The following ZNG1A variants were observed in gnomAD, a reference collection of about 807,000 sequenced individuals.
The protein encoded by ZNG1A is zinc-regulated GTPase metalloprotein activator 1A.
the ZNG1A span, among the ~76,000 whole-genome samples, chr9:124,128 T>C: frequency 6.6e-6 from 1 of 152,122 alleles, no homozygotes; most frequent in Admixed American, 6.5e-5. Context: ...ATATTAACTT[T>C]AGGATTTATT....
the ZNG1A span, among the ~76,000 whole-genome samples, chr9:156,170 T>A: frequency 7.4e-6 from 1 of 135,462 alleles, no homozygotes; most frequent in African/African-American, 2.7e-5. Context: ...TATATATATA[T>A]AAAATCTTCA....
chr9:140,224 A>C, the ZNG1A span, among the ~76,000 whole-genome samples: 5 of 151,978 alleles, frequency 3.3e-5, no homozygotes, highest in Non-Finnish European at 7.4e-5. Flanking sequence ...ACAGACACAC[A>C]AAAAGACAGC....
chr9:132,030 C>T, the ZNG1A span, among the ~76,000 whole-genome samples: 75 of 143,814 alleles, frequency 5.2e-4, 1 homozygote, highest in Non-Finnish European at 8.8e-4. Flanking sequence ...AAAATCCTAC[C>T]GTCAAAAAAA....
chr9:172,323 T>G, the ZNG1A span: 1 of 909,086 alleles, frequency 1.1e-6, no homozygotes, highest in East Asian at 2.7e-5. Context: ...TAACAAAATG[T>G]CCGTCCCATA....
chr9:157,775 T>C, the ZNG1A span, among the ~76,000 whole-genome samples: 24 of 146,530 alleles, frequency 1.6e-4, no homozygotes, highest in African/African-American at 5.0e-4. Flanking sequence ...AATAATCATA[T>C]ATCAGAGCCA....
the ZNG1A span, chr9:152,210 T>C: frequency 1.5e-3 from 557 of 362,922 alleles, 14 homozygotes; most frequent in East Asian, 0.025. Flanking sequence ...AGAAAAAAAT[T>C]AAAAACAGAA....
chr9:152,223 A>G, the ZNG1A span: 3 of 385,968 alleles, frequency 7.8e-6, no homozygotes, highest in Non-Finnish European at 1.4e-5. Context: ...AAACAGAAAA[A>G]CAAAACTTGC....
chr9:136,861 G>C, the ZNG1A span, among the ~76,000 whole-genome samples: 2 of 151,906 alleles, frequency 1.3e-5, no homozygotes, highest in Non-Finnish European at 2.9e-5. Context: ...AACGTAGCGA[G>C]AGCCTGTCAC....
the ZNG1A span, chr9:135,173 G>A: frequency 1.0e-5 from 15 of 1,489,376 alleles, 1 homozygote; most frequent in South Asian, 5.0e-5. Flanking sequence ...CAAGTTGTTC[G>A]CAAATTCCAA....
At chr9:157,882 G>C in the ZNG1A span, among the ~76,000 whole-genome samples, 32 of 151,862 alleles carry the variant, frequency 2.1e-4, no homozygotes, top group African/African-American at 7.3e-4. Flanking sequence ...TAACAAGCTT[G>C]ATGAGGTCTA....
At chr9:158,637 T>C in the ZNG1A span, among the ~76,000 whole-genome samples, 3 of 150,884 alleles carry the variant, frequency 2.0e-5, no homozygotes, top group Non-Finnish European at 4.4e-5. Flanking sequence ...ATTAGAATTC[T>C]TCACTCAAAG....
chr9:130,483 G>A, the ZNG1A span, among the ~76,000 whole-genome samples: 1 of 118,066 alleles, frequency 8.5e-6, no homozygotes, highest in African/African-American at 3.3e-5. Flanking sequence ...CCAGGCTGGA[G>A]TAGAGTGGCA....
At chr9:131,838 C>T in the ZNG1A span, among the ~76,000 whole-genome samples, 4 of 149,294 alleles carry the variant, frequency 2.7e-5, 1 homozygote, top group African/African-American at 1.0e-4. Flanking sequence ...ACATAACACT[C>T]CTAGACAGCA....
At chr9:173,958 T>G in the ZNG1A span, among the ~76,000 whole-genome samples, 2 of 151,944 alleles carry the variant, frequency 1.3e-5, no homozygotes, top group Non-Finnish European at 2.9e-5. Flanking sequence ...CCATCCTCGC[T>G]AACACAATGA....
chr9:122,647 A>C, the ZNG1A span: 1 of 997,380 alleles, frequency 1.0e-6, no homozygotes, highest in Admixed American at 5.2e-5. Context: ...ATGGGGATGA[A>C]ATTAATTTAT....
At chr9:133,339 G>C in the ZNG1A span, among the ~76,000 whole-genome samples, 1 of 120,800 alleles carries the variant, frequency 8.3e-6, no homozygotes. Context: ...GCCCTATTTA[G>C]TAGTAAAGTG....
the ZNG1A span, among the ~76,000 whole-genome samples, chr9:160,933 T>C: frequency 6.6e-6 from 1 of 150,918 alleles, no homozygotes; most frequent in Non-Finnish European, 1.5e-5. Flanking sequence ...TTTTTCTGCA[T>C]GAAACTGTAA....
the ZNG1A span, among the ~76,000 whole-genome samples, chr9:152,361 G>T: frequency 6.6e-5 from 10 of 152,266 alleles, no homozygotes; most frequent in African/African-American, 2.4e-4. Flanking sequence ...TTAATAAAAA[G>T]ACACTTCACT....
At chr9:174,410 G>A in the ZNG1A span, among the ~76,000 whole-genome samples, 1 of 151,802 alleles carries the variant, frequency 6.6e-6, no homozygotes, top group African/African-American at 2.4e-5. Flanking sequence ...CTTCTAAAGA[G>A]GTTGCTACAG....
Sources: allele counts gnomAD v4.1 joint callset (sites outside exome capture counted in the v4.1 genomes callset), GRCh38; gene constraint gnomAD v4.1.1; transcripts MANE v1.5; gene names NCBI Gene and HGNC (gene_info 2026-07-23, HGNC 2026-07-21).